ME3: variants seen among roughly 807,000 people sequenced by gnomAD.
ME3 encodes the protein malic enzyme 3, also known as NADP-dependent malic enzyme, mitochondrial.
A neutral mutation model predicts 68.9 loss-of-function variants in ME3; 48 were observed. The observed-to-expected ratio is 0.70, with a 90% CI of 0.55 to 0.89. The LOEUF is 0.89. Among genes scored for constraint, ME3 ranks in the 40% least tolerant of loss-of-function variants. The pLI is 0.00. For synonymous variants in ME3, 320 were observed against 318.8 expected (o/e 1.00, Z -0.04); for missense variants, 675 against 797.4 (o/e 0.85, Z 1.85).
At chr11:86,451,194 T>C (rs1231498719) in intron 8 of ME3, among the ~76,000 whole-genome samples, 1 of 152,188 alleles carries the variant, frequency 6.6e-6, no homozygotes, top group Non-Finnish European at 1.5e-5. Context: ...TAGCACTACA[T>C]TGATTCATGA....
chr11:86,636,602 T>C (rs1227874283), intron 2 of ME3, among the ~76,000 whole-genome samples: 1 of 152,200 alleles, frequency 6.6e-6, no homozygotes, highest in Non-Finnish European at 1.5e-5. Context: ...CTGGTGATGT[T>C]TCAGATGGAG....
intron 2 of ME3, among the ~76,000 whole-genome samples, chr11:86,583,532 A>G (rs1166171307): frequency 6.6e-6 from 1 of 152,186 alleles, no homozygotes; most frequent in Non-Finnish European, 1.5e-5. Context: ...AATAGTAAAG[A>G]CAGCTATTAA....
exon 2 of ME3, chr11:86,671,900 C>T (rs1234719662): frequency 6.8e-7 from 1 of 1,470,930 alleles, no homozygotes; most frequent in Non-Finnish European, 8.9e-7. Flanking sequence ...AGGCCCGGCC[C>T]GGCCAGGGAG....
intron 8 of ME3, chr11:86,457,422 G>A: frequency 1.1e-6 from 1 of 881,300 alleles, no homozygotes; most frequent in Non-Finnish European, 1.4e-6. Flanking sequence ...TCAGTTCTCA[G>A]CCTTCTTCTT....
chr11:86,527,503 G>T (rs186985699), intron 4 of ME3, among the ~76,000 whole-genome samples: 2 of 151,706 alleles, frequency 1.3e-5, no homozygotes, highest in African/African-American at 2.4e-5. Flanking sequence ...CAAATTCAGA[G>T]AATGCCACAA....
intron 2 of ME3, among the ~76,000 whole-genome samples, chr11:86,617,045 G>GTTT (rs563738961): frequency 0.028 from 1,553 of 56,278 alleles, 315 homozygotes; most frequent in East Asian, 0.064. Flanking sequence ...CAAGATAGTA[G>GTTT]TTTTTTTTTT....
rs138702562 is a variant in ME3, at chr11:86,648,403, A to G, written c.183+23359T>C. Among the ~76,000 whole-genome samples, 1,335 of 152,286 alleles carry G rather than the reference A, an allele frequency of 8.8e-3. 27 individuals are homozygous for G. Among genetic ancestry groups the G allele is most frequent in the African/African-American group, 0.03 (1,248 of 41,552 alleles). On this transcript the variant is annotated intron_variant, in intron 2 of 14. Transcript: ENST00000543262. ...GATCTCAAATCGACACCCTAACATCACAATTAAAAGAACTAGAGAAGCAAA... is the reference window on the plus strand; with the variant it reads ...GATCTCAAATCGACACCCTAACATCGCAATTAAAAGAACTAGAGAAGCAAA...
intron 2 of ME3, among the ~76,000 whole-genome samples, chr11:86,620,025 TC>T (rs1835881404): frequency 3.5e-5 from 2 of 57,726 alleles, no homozygotes; most frequent in Non-Finnish European, 6.3e-5. Flanking sequence ...TGCTAACATG[TC>T]AGTATTTTTT....
chr11:86,617,063 T>TG (rs1166597915), intron 2 of ME3, among the ~76,000 whole-genome samples: 3 of 139,828 alleles, frequency 2.1e-5, no homozygotes, highest in African/African-American at 5.2e-5. Flanking sequence ...TTTTTTTTTT[T>TG]TTTTTTTTTT....
At chr11:86,573,428 CTT>C (rs33973657) in intron 2 of ME3, among the ~76,000 whole-genome samples, 5 of 142,944 alleles carry the variant, frequency 3.5e-5, no homozygotes, top group Admixed American at 6.9e-5. Context: ...ACATTTTAGT[CTT>C]TTTTTTTTTT....
intron 5 of ME3, among the ~76,000 whole-genome samples, chr11:86,499,869 T>C (rs1952604879): frequency 6.6e-6 from 1 of 152,198 alleles, no homozygotes. Context: ...ATTTTCTCCA[T>C]ATATTTGTTA....
At chr11:86,547,611 C>G (rs1336893262) in intron 4 of ME3, among the ~76,000 whole-genome samples, 1 of 151,876 alleles carries the variant, frequency 6.6e-6, no homozygotes, top group Non-Finnish European at 1.5e-5. Flanking sequence ...GCACATGTAT[C>G]CCAGAACTTA....
chr11:86,645,354 T>C (rs1219274196), intron 2 of ME3, among the ~76,000 whole-genome samples: 2 of 152,176 alleles, frequency 1.3e-5, no homozygotes, highest in Non-Finnish European at 2.9e-5. Context: ...GAAGTCAACC[T>C]GGGACACTCC....
At chr11:86,514,768 A>G (rs1026131637) in intron 4 of ME3, among the ~76,000 whole-genome samples, 7 of 152,210 alleles carry the variant, frequency 4.6e-5, no homozygotes, top group African/African-American at 1.2e-4. Context: ...AAATAAGTCA[A>G]TGTATCTTTA....
At chr11:86,492,134 G>A (rs1482861222) in intron 6 of ME3, among the ~76,000 whole-genome samples, 1 of 152,210 alleles carries the variant, frequency 6.6e-6, no homozygotes, top group African/African-American at 2.4e-5. Context: ...TAGCTCTGTG[G>A]CTTTGGGGAA....
At chr11:86,659,035 G>A (rs1187212413) in intron 2 of ME3, among the ~76,000 whole-genome samples, 1 of 152,152 alleles carries the variant, frequency 6.6e-6, no homozygotes, top group Non-Finnish European at 1.5e-5. Context: ...AGAAAGGAGA[G>A]TATGACATGA....
At chr11:86,671,701 G>A (rs1191224010) in intron 2 of ME3, 61 bp downstream of exon 2, 2 of 1,579,784 alleles carry the variant, frequency 1.3e-6, no homozygotes, top group Admixed American at 1.8e-5. Context: ...AGGGGGCGGG[G>A]CGCAATTTTC....
chr11:86,672,188 C>T lies in ME3; in HGVS notation c.-15+136G>A, dbSNP rs553748788. ...GCAAAGCGAAACCAAGCCCTGGAAG[C>T]AGATCCGGTGCGGGTGACAGCCGGC... On this transcript the variant is annotated intron_variant, in intron 1 of 14. Coordinates refer to ENST00000543262, the Ensembl canonical transcript of ME3. 2.1e-5 allele frequency: 9 copies of T among 430,536 alleles called. No homozygotes were observed. In the East Asian group the frequency reaches 3.0e-4, roughly 14 times the overall value. 26.7% of individuals were successfully genotyped at this position (430,536 alleles called of 1,614,324 possible).
downstream of ME3, among the ~76,000 whole-genome samples, chr11:86,440,871 C>T (rs369025105): frequency 5.9e-5 from 9 of 152,284 alleles, 1 homozygote; most frequent in Admixed American, 4.6e-4. Flanking sequence ...GTATCCTCTC[C>T]CTTTTCTGAC....
Sources: allele counts gnomAD v4.1 joint callset (sites outside exome capture counted in the v4.1 genomes callset), GRCh38; gene constraint gnomAD v4.1.1; transcripts MANE v1.5; gene names NCBI Gene and HGNC (gene_info 2026-07-23, HGNC 2026-07-21).